The following CCDC178 variants were observed in gnomAD, a reference collection of about 807,000 sequenced individuals.
CCDC178 encodes the protein coiled-coil domain-containing protein 178.
In CCDC178, 126 loss-of-function variants were observed where a neutral mutation model predicts 117.4. That is an observed-to-expected ratio of 1.07 (90% CI 0.93 to 1.24). The LOEUF is 1.24. Among genes scored for constraint, CCDC178 ranks in the 50% most tolerant of loss-of-function variants. The probability of loss-of-function intolerance (pLI) is 0.00; values close to 1 mark genes in which losing one functional copy is unlikely to be tolerated. For synonymous variants in CCDC178, 283 were observed against 313.4 expected, an observed-to-expected ratio of 0.90 and a Z score of 1.02; for missense variants, 1,030 against 986.9, an observed-to-expected ratio of 1.04 and a Z score of -0.59.
At chr18:33,195,682 T>G (rs2144535658) in intron 20 of CCDC178, among the ~76,000 whole-genome samples, 1 of 152,318 alleles carries the variant, frequency 6.6e-6, no homozygotes, top group Non-Finnish European at 1.5e-5. Context: ...GTTTATCTCC[T>G]AAAAGTCAGG....
intron 20 of CCDC178, among the ~76,000 whole-genome samples, chr18:33,175,353 TA>T (rs1019494694): frequency 7.2e-5 from 11 of 152,106 alleles, no homozygotes; most frequent in African/African-American, 2.7e-4. Context: ...TTTTTCTAGA[TA>T]AAGTTGTTAT....
rs147048636 is a variant in CCDC178 at position 33,040,715 on chromosome 18, A to G, written c.2388+52046T>C. On this transcript the variant is annotated intron_variant, in intron 21 of 22. Transcript: ENST00000383096. ...TAAAGCAACTTTTAAAATGAACTCA[A>G]GGAAAAAAAGTATGAGTTGAGGAGT... Among the ~76,000 whole-genome samples, 6 of 152,136 alleles carry G rather than the reference A, an allele frequency of 3.9e-5. No homozygotes were observed. In the East Asian group the frequency reaches 1.2e-3, roughly 29 times the overall value.
rs80219385 is a variant in CCDC178 at position 33,172,769 on chromosome 18, A to G, written c.2238+39127T>C. Among the ~76,000 whole-genome samples, 1,083 of 152,258 alleles carry G rather than the reference A, an allele frequency of 7.1e-3. 10 individuals are homozygous for G. Among genetic ancestry groups the G allele is most frequent in the African/African-American group, 0.025 (1,033 of 41,566 alleles). On this transcript the variant is annotated intron_variant, in intron 20 of 22. Coordinates refer to ENST00000383096, the MANE Select transcript of CCDC178 (RefSeq NM_001105528.4). ...CAAAATTTGTTCTATATTGAAATCTATTTAACAAAACATGCTGCTTCCAAA... is the reference window on the plus strand; with the variant it reads ...CAAAATTTGTTCTATATTGAAATCTGTTTAACAAAACATGCTGCTTCCAAA...
intron 4 of CCDC178, among the ~76,000 whole-genome samples, chr18:33,390,366 AC>A (rs2063549467): frequency 1.3e-5 from 2 of 152,192 alleles, no homozygotes; most frequent in South Asian, 4.1e-4. Context: ...GTATAGGTCC[AC>A]AAAAATATTA....
chr18:33,099,024 G>A (rs1250624100), intron 20 of CCDC178, among the ~76,000 whole-genome samples: 2 of 152,058 alleles, frequency 1.3e-5, no homozygotes, highest in South Asian at 2.1e-4. Context: ...CACCACAAAC[G>A]TTAGTATATA....
At chr18:33,367,888 G>A (rs2063236130) in intron 6 of CCDC178, among the ~76,000 whole-genome samples, 4 of 151,882 alleles carry the variant, frequency 2.6e-5, no homozygotes, top group Admixed American at 2.0e-4. Context: ...ATTTCATAAT[G>A]AATCTCCTTT....
At chr18:32,985,232 G>A (rs36033799) in intron 21 of CCDC178, among the ~76,000 whole-genome samples, 7 of 151,778 alleles carry the variant, frequency 4.6e-5, no homozygotes, top group Non-Finnish European at 1.0e-4. Context: ...TTACACACAA[G>A]TAAACATAAA....
chr18:33,379,151 A>ATATATATTTCCATATATATATAT (rs2063404205), intron 5 of CCDC178, among the ~76,000 whole-genome samples: 1 of 105,024 alleles, frequency 9.5e-6, no homozygotes, highest in African/African-American at 3.6e-5. Flanking sequence ...TATATATATA[A>ATATATATTTCCATATATATATAT]TATATATATT....
chr18:33,204,261 AATT>A (rs1401487602), intron 20 of CCDC178, among the ~76,000 whole-genome samples: 51 of 152,164 alleles, frequency 3.4e-4, no homozygotes, highest in African/African-American at 1.1e-3. Flanking sequence ...CAAAATGAAA[AATT>A]ATTAATTTAA....
chr18:33,108,197 A>G (rs1417313709), intron 20 of CCDC178, among the ~76,000 whole-genome samples: 1 of 151,644 alleles, frequency 6.6e-6, no homozygotes, highest in African/African-American at 2.4e-5. Flanking sequence ...TGTCATTAGT[A>G]TACCTAAGTG....
In CCDC178 at chr18:33,390,292, G is replaced by A. The variant is rs905604617; in HGVS notation, c.119-663C>T. On this transcript the variant is annotated intron_variant, in intron 4 of 22. Coordinates refer to ENST00000383096, the MANE Select transcript of CCDC178 (RefSeq NM_001105528.4). Reference sequence around the variant, plus strand: ...CATTTATTTGACATTTTCTTATAAAGCTAAATATATGTACACTTAATGCAG... The same window carrying A: ...CATTTATTTGACATTTTCTTATAAAACTAAATATATGTACACTTAATGCAG... Among the ~76,000 whole-genome samples, 7 of 151,616 alleles carry A rather than the reference G, an allele frequency of 4.6e-5. No homozygotes were observed. In the South Asian group the frequency reaches 6.2e-4, roughly 13 times the overall value.
intron 22 of CCDC178, among the ~76,000 whole-genome samples, chr18:32,949,046 C>T (rs2054416606): frequency 6.6e-6 from 1 of 152,046 alleles, no homozygotes; most frequent in Non-Finnish European, 1.5e-5. Flanking sequence ...TTTCCCTCCC[C>T]ATTACTTTAA....
chr18:33,273,640 C>T (rs1419936325), intron 12 of CCDC178, among the ~76,000 whole-genome samples: 1 of 151,620 alleles, frequency 6.6e-6, no homozygotes, highest in Non-Finnish European at 1.5e-5. Flanking sequence ...TCAAAGAATG[C>T]TGCTGAAAAT....
intron 11 of CCDC178, among the ~76,000 whole-genome samples, chr18:33,305,755 T>C (rs1568131444): frequency 1.3e-5 from 2 of 152,108 alleles, no homozygotes; most frequent in Admixed American, 6.6e-5. Context: ...TCCTCCTTCT[T>C]CTCCTCCTTG....
rs778773962 is a variant in CCDC178 at position 33,222,456 on chromosome 18, T to C, written c.1932+650A>G. 3.3e-5 allele frequency among the ~76,000 whole-genome samples: 5 copies of C among 152,218 alleles called. No homozygotes were observed. In the East Asian group the frequency reaches 5.8e-4, roughly 18 times the overall value. On this transcript the variant is annotated intron_variant, in intron 18 of 22. Transcript: ENST00000383096. ...TTCTAGAGCTAAGCAATCCAAGAACTAGGCAACAACAGATTTGGTGTCTCA... is the reference window on the plus strand; with the variant it reads ...TTCTAGAGCTAAGCAATCCAAGAACCAGGCAACAACAGATTTGGTGTCTCA...
chr18:32,966,634 T>C (rs1436890610), intron 22 of CCDC178, among the ~76,000 whole-genome samples: 1 of 151,922 alleles, frequency 6.6e-6, no homozygotes, highest in Non-Finnish European at 1.5e-5. Flanking sequence ...AGAGCTATCC[T>C]TGTGGATTTT....
intron 21 of CCDC178, among the ~76,000 whole-genome samples, chr18:33,069,583 A>T (rs1015569802): frequency 6.6e-6 from 1 of 152,152 alleles, no homozygotes; most frequent in African/African-American, 2.4e-5. Flanking sequence ...AGAAGAAAGT[A>T]CAGGAGAAAA....
At chr18:32,980,306 G>C (rs951532106) in intron 21 of CCDC178, among the ~76,000 whole-genome samples, 1 of 152,022 alleles carries the variant, frequency 6.6e-6, no homozygotes, top group East Asian at 1.9e-4. Context: ...AAGCCCGGCC[G>C]GGCGCGGTGG....
At chr18:33,001,129 C>T (rs1403095596) in intron 21 of CCDC178, among the ~76,000 whole-genome samples, 1 of 152,126 alleles carries the variant, frequency 6.6e-6, no homozygotes, top group African/African-American at 2.4e-5. Context: ...TTTGTTGATG[C>T]AATCTGTGTT....
Sources: allele counts gnomAD v4.1 joint callset (sites outside exome capture counted in the v4.1 genomes callset), GRCh38; gene constraint gnomAD v4.1.1; transcripts MANE v1.5; gene names NCBI Gene and HGNC (gene_info 2026-07-23, HGNC 2026-07-21).